The following SLC9A6 variants were observed in gnomAD, a reference collection of about 807,000 sequenced individuals.
SLC9A6 encodes the protein solute carrier family 9 member A6.
A neutral mutation model predicts 45.3 loss-of-function variants in SLC9A6; 6 were observed. The observed-to-expected ratio is 0.13, with a 90% CI of 0.07 to 0.26. SLC9A6 has a LOEUF of 0.26. Ranked by LOEUF, SLC9A6 falls within the 10% of genes least tolerant of loss-of-function variation. The pLI, the probability that SLC9A6 is intolerant of heterozygous loss-of-function variation, is 1.00. For synonymous variants in SLC9A6, 191 were observed against 187.7 expected, an observed-to-expected ratio of 1.02 and a Z score of -0.14; for missense variants, 278 against 503.7, an observed-to-expected ratio of 0.55 and a Z score of 4.29.
At chrX:136,006,605 G>A (rs975723640) in intron 7 of SLC9A6, among the ~76,000 whole-genome samples, 2 of 109,527 alleles carry the variant, frequency 1.8e-5, no homozygotes, top group African/African-American at 3.3e-5. Flanking sequence ...AGATCTATAT[G>A]TATATTGATA....
chrX:136,036,403 T>C (rs782086594), intron 16 of SLC9A6, among the ~76,000 whole-genome samples: 1 of 112,306 alleles, frequency 8.9e-6, no homozygotes, highest in South Asian at 3.7e-4. Context: ...TATTCCTGAA[T>C]TGGGTTTTTT....
intron 1 of SLC9A6, among the ~76,000 whole-genome samples, chrX:135,977,031 G>A (rs2089266526): frequency 8.9e-6 from 1 of 111,985 alleles, no homozygotes; most frequent in Non-Finnish European, 1.9e-5. Flanking sequence ...CAGTTACCAA[G>A]GACTGTATCA....
At chrX:136,007,416 G>A (rs1476788711) in intron 7 of SLC9A6, among the ~76,000 whole-genome samples, 4 of 110,990 alleles carry the variant, frequency 3.6e-5, no homozygotes, top group African/African-American at 1.3e-4. Context: ...ATAATGCTGT[G>A]GTTGAGAAAC....
At chrX:135,990,443 A>G (rs1184429712) in intron 2 of SLC9A6, among the ~76,000 whole-genome samples, 3 of 112,266 alleles carry the variant, frequency 2.7e-5, no homozygotes, top group African/African-American at 9.7e-5. Flanking sequence ...CTTTGACTCT[A>G]TGACTAGGAT....
upstream of SLC9A6, among the ~76,000 whole-genome samples, chrX:135,980,729 T>A (rs1322030718): frequency 1.7e-4 from 19 of 110,457 alleles, no homozygotes; most frequent in African/African-American, 5.9e-4. Context: ...GCTAATTTTT[T>A]AAATTTTTGT....
At chrX:136,008,681 G>A (rs1190931205) in intron 7 of SLC9A6, among the ~76,000 whole-genome samples, 2 of 112,089 alleles carry the variant, frequency 1.8e-5, no homozygotes, top group Non-Finnish European at 1.9e-5. Context: ...AAATAAAATC[G>A]ATCTATCAGG....
At chrX:136,011,063 C>A (rs782330662) in intron 8 of SLC9A6, among the ~76,000 whole-genome samples, 1 of 111,730 alleles carries the variant, frequency 9.0e-6, no homozygotes, top group Admixed American at 9.5e-5. Flanking sequence ...TGCTCTAGAG[C>A]CCTGGACGGG....
upstream of SLC9A6, among the ~76,000 whole-genome samples, chrX:135,980,224 T>A (rs1206357553): frequency 9.2e-6 from 1 of 108,730 alleles, no homozygotes; most frequent in East Asian, 2.9e-4. Flanking sequence ...TGATTTTTTT[T>A]TTTTTTTAAG....
Position 135,985,712 on chromosome X carries a change from C to G in SLC9A6, c.54C>G (p.Asp18Glu). The G allele has an allele frequency of 8.3e-7, 1 of 1,211,891 alleles. No homozygotes were observed. The highest frequency in any genetic ancestry group is 3.0e-5 in the East Asian group (1 of 33,825). ...EKQAEESHRQ[D>E]SANLLIFILL... ...AAGCCGAGGAGAGCCACCGGCAGGA[C>G]AGCGCCAACCTGCTCATCTTCATCC... is the stretch of plus-strand genomic sequence containing the variant. The change falls in exon 2 of 18, where the codon GAC becomes GAG. Residue 18 changes from aspartate (D) to glutamate (E), a missense_variant. Around this residue, in one of 5 missense-constraint regions of SLC9A6, gnomAD observed 118 missense variants for 209.9 expected, o/e 0.56. Coordinates refer to ENST00000630721, the MANE Select transcript of SLC9A6 (RefSeq NM_001379110.1).
At chrX:136,017,953 A>G (rs2071052026) in intron 11 of SLC9A6, among the ~76,000 whole-genome samples, 1 of 111,714 alleles carries the variant, frequency 9.0e-6, no homozygotes, top group Admixed American at 9.6e-5. Flanking sequence ...AGAGGCTTCT[A>G]TTCTTCACGT....
In SLC9A6 at chrX:136,044,641, C is replaced by G. The variant is rs1236205899; in HGVS notation, c.1957C>G (p.Arg653Gly). The G allele has an allele frequency of 8.3e-7, 1 of 1,208,833 alleles. No homozygotes were observed. The highest frequency in any genetic ancestry group is 1.1e-6 in the Non-Finnish European group (1 of 893,274). ...ATTTGGGGACCATGAACTGGTCATT[C>G]GAGGAACACGCCTGGTTCTTCCAAT... is the stretch of plus-strand genomic sequence containing the variant. The part of the protein sequence containing the change: ...LAFGDHELVI[R>G]GTRLVLPMDD... The change falls in exon 18 of 18, where the codon CGA (arginine) becomes GGA (glycine). Residue 653 changes from arginine (R) to glycine (G), a missense_variant. Arg to Gly is a moderately radical substitution (Grantham distance 125, BLOSUM62 -2). Transcript: ENST00000630721.
intron 16 of SLC9A6, 69 bp from the exon 17 acceptor site, chrX:136,040,007 T>C: frequency 1.2e-6 from 1 of 858,651 alleles, no homozygotes; most frequent in Non-Finnish European, 1.7e-6. Context: ...ATGATGGTGA[T>C]TATTATCAAA....
chrX:135,992,036 C>A (rs925750315), intron 2 of SLC9A6, among the ~76,000 whole-genome samples: 3 of 111,874 alleles, frequency 2.7e-5, no homozygotes, highest in African/African-American at 9.7e-5. Flanking sequence ...GCTCCAGATA[C>A]CACATACTCA....
At chrX:135,975,490 A>G (rs1257544833) in intron 1 of SLC9A6, among the ~76,000 whole-genome samples, 1 of 112,084 alleles carries the variant, frequency 8.9e-6, no homozygotes, top group Admixed American at 9.4e-5. Flanking sequence ...ATATAATTTA[A>G]CTATTTATGT....
intron 13 of SLC9A6, among the ~76,000 whole-genome samples, chrX:136,026,962 A>G (rs189266262): frequency 9.8e-5 from 11 of 111,823 alleles, no homozygotes; most frequent in Admixed American, 2.9e-4. Flanking sequence ...GTAGAGGCCA[A>G]GGATGCTGCT....
In SLC9A6 at chrX:136,008,094, A is replaced by T. The variant is rs1036965811; in HGVS notation, c.744-2348A>T. ...AGTCTAAAATATATAAAAAGCAAGA[A>T]GATGTTCTTTCAGTTATTTATAGTA... On this transcript the variant is annotated intron_variant, in intron 7 of 17. Coordinates refer to ENST00000630721, the MANE Select transcript of SLC9A6 (RefSeq NM_001379110.1). 5.3e-5 allele frequency among the ~76,000 whole-genome samples: 6 copies of T among 112,302 alleles called. No individual in the cohort carries two copies. In the Admixed American group the frequency reaches 5.7e-4, roughly 11 times the overall value.
At chrX:135,974,054 C>T (rs1556613000), upstream of SLC9A6, 1 of 241,009 alleles carries the variant, frequency 4.1e-6, no homozygotes, top group South Asian at 3.6e-5. Flanking sequence ...GGACGGGGGC[C>T]TGCGTAGAGA....
rs1047849918 is a variant in SLC9A6, at chrX:135,985,461, G to T, written c.-73G>T. 3.0e-6 allele frequency: 3 copies of T among 993,009 alleles called. No individual in the cohort carries two copies. In the East Asian group the frequency reaches 1.2e-4, roughly 38 times the overall value. The allele number at this position is 993,009 out of a possible 1,213,427, so 81.8% of individuals were successfully genotyped here. ...AGCCCTCGGGGAGTGGTCCGACCGC[G>T]GGCGGCCGCCGGTGAGGTAGGGGCG... On this transcript the variant is annotated 5_prime_UTR_variant, in exon 1 of 18. Transcript: ENST00000630721.
chrX:135,982,505 A>G (rs1342773314), upstream of SLC9A6, among the ~76,000 whole-genome samples: 2 of 104,762 alleles, frequency 1.9e-5, no homozygotes, highest in African/African-American at 7.0e-5. Flanking sequence ...TTTTTTTGAG[A>G]CAAAGTCTCA....
Sources: allele counts gnomAD v4.1 joint callset (sites outside exome capture counted in the v4.1 genomes callset), GRCh38; gene constraint gnomAD v4.1.1; regional missense constraint gnomAD v4.1.1; transcripts MANE v1.5; gene names NCBI Gene and HGNC (gene_info 2026-07-23, HGNC 2026-07-21).